Variants in XIRP2 observed in about 807,000 individuals in gnomAD.
The protein encoded by XIRP2 is xin actin binding repeat containing 2.
Under a neutral mutation model 277.0 loss-of-function variants are expected in XIRP2, and 236 were observed. The ratio of observed to expected loss-of-function variants is 0.85; its 90% CI spans 0.77 to 0.95. XIRP2 has a LOEUF of 0.95. Among genes scored for constraint, XIRP2 ranks in the 40% least tolerant of loss-of-function variants. XIRP2 has a pLI of 0.00. For missense variants in XIRP2, 4,640 were observed against 4,157.5 expected (o/e 1.12, Z -3.19); for synonymous variants, 1,490 against 1,416.5 (o/e 1.05, Z -1.17).
intron 3 of XIRP2, among the ~76,000 whole-genome samples, chr2:167,179,468 G>A (rs1692947384): frequency 6.6e-6 from 1 of 151,504 alleles, no homozygotes. Flanking sequence ...TTACAGGGGT[G>A]CACCACCACA....
chr2:167,124,791 G>A (rs1691152869), intron 2 of XIRP2, among the ~76,000 whole-genome samples: 1 of 152,144 alleles, frequency 6.6e-6, no homozygotes, highest in South Asian at 2.1e-4. Flanking sequence ...ATAGAAAATG[G>A]TGGCAAAGCG....
intron 2 of XIRP2, among the ~76,000 whole-genome samples, chr2:167,062,566 G>A (rs1275531538): frequency 6.6e-6 from 1 of 151,922 alleles, no homozygotes; most frequent in Non-Finnish European, 1.5e-5. Flanking sequence ...TTCTGTTTCT[G>A]GGTAAAATTA....
rs925430768 is a variant in XIRP2 at position 167,239,311 on chromosome 2, T to C, written c.859-544T>C. ...GTCTCCAGATATAACTATGTCCCAATCCCCAGAATTTGTGAATACATTAAA... is the reference window on the plus strand; with the variant it reads ...GTCTCCAGATATAACTATGTCCCAACCCCCAGAATTTGTGAATACATTAAA... On this transcript the variant is annotated intron_variant, in intron 5 of 10. Transcript: ENST00000409195. Among the ~76,000 whole-genome samples, 2 of 152,302 alleles carry C rather than the reference T, an allele frequency of 1.3e-5. 1 individual carries two copies.
chr2:166,902,985 T>C (rs1684420104), intron 1 of XIRP2, among the ~76,000 whole-genome samples: 1 of 152,128 alleles, frequency 6.6e-6, no homozygotes, highest in South Asian at 2.1e-4. Flanking sequence ...GCTATTAGTC[T>C]ACTACTTCTG....
intron 2 of XIRP2, among the ~76,000 whole-genome samples, chr2:167,132,775 A>C (rs1370804194): frequency 6.6e-6 from 1 of 152,042 alleles, no homozygotes; most frequent in Non-Finnish European, 1.5e-5. Flanking sequence ...AGCCCCATTC[A>C]TTCTTCAAAT....
intron 3 of XIRP2, among the ~76,000 whole-genome samples, chr2:167,165,204 T>C (rs1370920950): frequency 6.6e-6 from 1 of 152,232 alleles, no homozygotes; most frequent in East Asian, 1.9e-4. Flanking sequence ...TTGAATAATA[T>C]TTCATTGTCT....
chr2:167,027,245 T>G (rs1688190590), intron 2 of XIRP2, among the ~76,000 whole-genome samples: 1 of 152,144 alleles, frequency 6.6e-6, no homozygotes, highest in South Asian at 2.1e-4. Context: ...TCGCTTCATT[T>G]CATTTATTTC....
intron 1 of XIRP2, among the ~76,000 whole-genome samples, chr2:166,893,184 AG>A (rs1684152524): frequency 6.6e-6 from 1 of 152,028 alleles, no homozygotes; most frequent in Non-Finnish European, 1.5e-5. Flanking sequence ...TATAAATATT[AG>A]AGTAACTGGT....
At chr2:167,230,962 A>G (rs552079568) in intron 5 of XIRP2, among the ~76,000 whole-genome samples, 76 of 152,142 alleles carry the variant, frequency 5.0e-4, no homozygotes, top group African/African-American at 1.6e-3. Flanking sequence ...TACCACGCCA[A>G]TCTCTTACAA....
At chr2:167,071,063 A>G (rs1689425720) in intron 2 of XIRP2, among the ~76,000 whole-genome samples, 1 of 152,154 alleles carries the variant, frequency 6.6e-6, no homozygotes, top group South Asian at 2.1e-4. Context: ...TGTCAGGACA[A>G]CAGTTTTACC....
intron 3 of XIRP2, among the ~76,000 whole-genome samples, chr2:167,198,534 G>A (rs1292078416): frequency 1.3e-5 from 2 of 152,150 alleles, no homozygotes; most frequent in Non-Finnish European, 2.9e-5. Flanking sequence ...TAAAGCTTTG[G>A]TGAGAATAAT....
intron 2 of XIRP2, among the ~76,000 whole-genome samples, chr2:166,905,900 T>G (rs564829894): frequency 6.6e-6 from 1 of 152,106 alleles, no homozygotes; most frequent in South Asian, 2.1e-4. Context: ...TTTCACCCCA[T>G]AGCATATTGA....
intron 2 of XIRP2, among the ~76,000 whole-genome samples, chr2:166,906,614 TCAGA>T (rs1466558538): frequency 6.6e-6 from 1 of 152,052 alleles, no homozygotes; most frequent in Admixed American, 6.6e-5. Context: ...GAGAGTTTGG[TCAGA>T]CAAACATTTA....
intron 2 of XIRP2, among the ~76,000 whole-genome samples, chr2:166,931,299 G>A (rs2105368604): frequency 6.6e-6 from 1 of 152,220 alleles, no homozygotes; most frequent in South Asian, 2.1e-4. Context: ...TGCATACAGT[G>A]AGATGTACAC....
chr2:166,911,580 CT>C (rs1684701257), intron 2 of XIRP2, among the ~76,000 whole-genome samples: 1 of 152,140 alleles, frequency 6.6e-6, no homozygotes, highest in Admixed American at 6.5e-5. Context: ...CAGTCTGTGT[CT>C]TTTAATTGGA....
intron 3 of XIRP2, among the ~76,000 whole-genome samples, chr2:167,208,578 G>A (rs1045200386): frequency 6.6e-6 from 1 of 152,166 alleles, no homozygotes; most frequent in Non-Finnish European, 1.5e-5. Context: ...AGAGTGCTGG[G>A]ATTACAGGTG....
intron 2 of XIRP2, among the ~76,000 whole-genome samples, chr2:167,129,255 C>T (rs1006904010): frequency 6.6e-6 from 1 of 151,974 alleles, no homozygotes; most frequent in Admixed American, 6.6e-5. Flanking sequence ...AGGTAAGAAC[C>T]CACTGAGTCT....
chr2:167,258,923 G>C lies in XIRP2; in HGVS notation c.*1106G>C. ...TGACAGAGCAGCTGCTGGCAGTCCTGTGCAGCCTGCTCCAAAACCAAGCCT... is the reference window on the plus strand; with the variant it reads ...TGACAGAGCAGCTGCTGGCAGTCCTCTGCAGCCTGCTCCAAAACCAAGCCT... On this transcript the variant is annotated 3_prime_UTR_variant, in exon 11 of 11. Transcript: ENST00000409195. 6.2e-7 allele frequency: 1 copy of C among 1,613,106 alleles called. No individual in the cohort carries two copies. The highest frequency in any genetic ancestry group is 8.5e-7 in the Non-Finnish European group (1 of 1,179,572).
At chr2:167,125,123 G>A (rs1691165034) in intron 2 of XIRP2, among the ~76,000 whole-genome samples, 1 of 152,162 alleles carries the variant, frequency 6.6e-6, no homozygotes, top group Non-Finnish European at 1.5e-5. Context: ...AGTAGAATGT[G>A]ATGATGTTGT....
Sources: allele counts gnomAD v4.1 joint callset (sites outside exome capture counted in the v4.1 genomes callset), GRCh38; gene constraint gnomAD v4.1.1; transcripts MANE v1.5; gene names NCBI Gene and HGNC (gene_info 2026-07-23, HGNC 2026-07-21).